Variants in DNAJC7 observed in about 807,000 individuals in gnomAD.
DNAJC7 encodes dnaJ homolog subfamily C member 7.
In DNAJC7, 18 loss-of-function variants were observed where a neutral mutation model predicts 67.4. That is an observed-to-expected ratio of 0.27 (90% CI 0.18 to 0.40). DNAJC7 has a LOEUF of 0.40. DNAJC7 is among the 10% of genes least tolerant of loss of function. The pLI, the probability that DNAJC7 is intolerant of heterozygous loss-of-function variation, is 1.00. For missense variants in DNAJC7, 419 were observed against 613.8 expected, an observed-to-expected ratio of 0.68 and a Z score of 3.35; for synonymous variants, 220 against 207.8, an observed-to-expected ratio of 1.06 and a Z score of -0.50.
chr17:42,012,948 C>A (rs11654930), intron 1 of DNAJC7: 111,664 of 151,942 alleles, frequency 0.73, 43,007 homozygotes, highest in East Asian at 0.86. Context: ...AGGTATGCAC[C>A]ATCACACCCT....
intron 1 of DNAJC7, chr17:42,015,020 C>T (rs2052227068): frequency 6.6e-6 from 1 of 152,038 alleles, no homozygotes; most frequent in African/African-American, 2.4e-5. Flanking sequence ...CACTTTGTCA[C>T]CCAGGCTGGA....
chr17:41,996,617 C>T lies in DNAJC7; in HGVS notation c.292-193G>A, dbSNP rs141213371. Among the ~76,000 whole-genome samples the T allele has an allele frequency of 3.0e-4, 45 of 152,192 alleles. No individual in the cohort carries two copies. In the East Asian group the frequency reaches 6.6e-3, roughly 22 times the overall value. Reference sequence around the variant, plus strand: ...GGTCAGGAGTTTGAGACTAGCCTGGCCAACATGACAAAACTCCGTCTCTTA... The same window carrying T: ...GGTCAGGAGTTTGAGACTAGCCTGGTCAACATGACAAAACTCCGTCTCTTA... On this transcript the variant is annotated intron_variant, in intron 3 of 13. Coordinates refer to ENST00000457167, the MANE Select transcript of DNAJC7 (RefSeq NM_003315.4).
In DNAJC7 at chr17:41,976,468, TTTTC is replaced by T; in HGVS notation, c.*261_*264del. 2.2e-6 allele frequency: 1 copy of T among 451,690 alleles called. No individual in the cohort carries two copies. Among genetic ancestry groups the T allele is most frequent in the Non-Finnish European group, 3.9e-6 (1 of 259,166 alleles). The allele number at this position is 451,690 out of a possible 1,614,324, so 28.0% of individuals were successfully genotyped here. A position where few individuals can be genotyped will look rare whatever the true frequency, so the allele number is the denominator to read the frequency against. On this transcript the variant is annotated 3_prime_UTR_variant, in exon 14 of 14. Coordinates refer to ENST00000457167, the MANE Select transcript of DNAJC7 (RefSeq NM_003315.4). ...GTCAAAACATTTTATTCTCTTTTTTTTTTCTTTTTTAATAAAGTTAAACAGTAAA... is the reference window on the plus strand; with the variant it reads ...GTCAAAACATTTTATTCTCTTTTTTTTTTTTTAATAAAGTTAAACAGTAAA...
chr17:42,012,171 CG>C (rs1567971988), intron 1 of DNAJC7, among the ~76,000 whole-genome samples: 1 of 152,192 alleles, frequency 6.6e-6, no homozygotes, highest in Non-Finnish European at 1.5e-5. Flanking sequence ...TGCTGAGACA[CG>C]TAAGTGTTTT....
intron 12 of DNAJC7, among the ~76,000 whole-genome samples, chr17:41,978,252 C>T (rs2051143235): frequency 6.6e-6 from 1 of 152,176 alleles, no homozygotes; most frequent in African/African-American, 2.4e-5. Flanking sequence ...AGGACTGACC[C>T]CCACCAGGTG....
intron 8 of DNAJC7, 127 bp downstream of exon 8, chr17:41,988,605 C>T: frequency 8.4e-7 from 1 of 1,195,068 alleles, no homozygotes; most frequent in Non-Finnish European, 1.1e-6. Context: ...GAGTTCCTAA[C>T]AAACTATTAA....
intron 5 of DNAJC7, among the ~76,000 whole-genome samples, chr17:41,994,640 C>T (rs1414730095): frequency 6.6e-6 from 1 of 150,782 alleles, no homozygotes; most frequent in Non-Finnish European, 1.5e-5. Flanking sequence ...TAGAAACAAA[C>T]TCAAGTGGCA....
chr17:41,981,362 A>G (rs2051246072), intron 12 of DNAJC7, among the ~76,000 whole-genome samples: 3 of 151,798 alleles, frequency 2.0e-5, no homozygotes, highest in Non-Finnish European at 4.4e-5. Flanking sequence ...ACACCTGGCT[A>G]ATTTCTGTAT....
At position 42,007,475 on chromosome 17, in the gene DNAJC7, C is replaced by T. The variant is rs550735697; in HGVS notation, c.78-6905G>A. Among the ~76,000 whole-genome samples, 5 of 152,284 alleles carry T rather than the reference C, an allele frequency of 3.3e-5. No homozygotes were observed. The South Asian group carries it at 1.0e-3, about 32-fold the overall frequency. On this transcript the variant is annotated intron_variant, in intron 1 of 13. Coordinates refer to ENST00000457167, the MANE Select transcript of DNAJC7 (RefSeq NM_003315.4). The stretch of plus-strand genomic sequence containing the variant: ...AAGTAAAAGGAGCCCAGGAGCCTAA[C>T]TTCTATTCCATCTTACCAAAAGCAT...
rs782185584 is a variant in DNAJC7 at position 41,996,367 on chromosome 17, G to A, written c.349C>T (p.Arg117Cys). The A allele has an allele frequency of 2.5e-6, 4 of 1,613,964 alleles. No individual in the cohort carries two copies. Among genetic ancestry groups the A allele is most frequent in the East Asian group, 4.5e-5 (2 of 44,884 alleles). The change falls in exon 4 of 14, where the codon CGC (arginine) becomes TGC (cysteine). Residue 117 changes from arginine (R) to cysteine (C), a missense_variant. Physicochemically the swap from Arg to Cys is radical, Grantham distance 180. Coordinates refer to ENST00000457167, the MANE Select transcript of DNAJC7 (RefSeq NM_003315.4). ...LSLGNAMAAC[R>C]SFQRALELDH... Reference sequence around the variant, plus strand: ...AGTTCTAGGGCTCTCTGGAAGCTGCGACATGCTGCCATGGCATTCCCCAGA... The same window carrying A: ...AGTTCTAGGGCTCTCTGGAAGCTGCAACATGCTGCCATGGCATTCCCCAGA...
intron 5 of DNAJC7, chr17:41,992,836 G>A (rs1459004770): frequency 6.6e-6 from 1 of 152,156 alleles, no homozygotes; most frequent in South Asian, 2.1e-4. Context: ...GTCACAAACA[G>A]AGGATTCTGT....
intron 12 of DNAJC7, among the ~76,000 whole-genome samples, chr17:41,980,752 A>G (rs2051228043): frequency 6.6e-6 from 1 of 152,206 alleles, no homozygotes; most frequent in South Asian, 2.1e-4. Flanking sequence ...AATATTGACA[A>G]TAGGTGTGCT....
At chr17:41,995,811 CTTT>C (rs2051641077) in intron 4 of DNAJC7, among the ~76,000 whole-genome samples, 1 of 152,130 alleles carries the variant, frequency 6.6e-6, no homozygotes, top group African/African-American at 2.4e-5. Context: ...TACTCAAATT[CTTT>C]TTTATTTTTT....
At chr17:41,995,134 C>A (rs191534071) in intron 4 of DNAJC7, among the ~76,000 whole-genome samples, 190 bp from the exon 5 acceptor site, 271 of 152,310 alleles carry the variant, frequency 1.8e-3, no homozygotes, top group African/African-American at 6.2e-3. Flanking sequence ...CTAGGGCTCT[C>A]TGGCAACTGC....
chr17:41,999,003 T>C (rs2051734305), intron 2 of DNAJC7, among the ~76,000 whole-genome samples: 1 of 151,680 alleles, frequency 6.6e-6, no homozygotes, highest in Non-Finnish European at 1.5e-5. Flanking sequence ...CGGGGCAACA[T>C]GGTAAGACCC....
At chr17:41,991,135 T>C (rs1306561205) in intron 5 of DNAJC7, among the ~76,000 whole-genome samples, 1 of 152,236 alleles carries the variant, frequency 6.6e-6, no homozygotes, top group Non-Finnish European at 1.5e-5. Context: ...CTCTTTTTAC[T>C]AGTTTGTCCT....
At chr17:41,977,055 C>A in intron 13 of DNAJC7, 1 of 652,326 alleles carries the variant, frequency 1.5e-6, no homozygotes, top group Non-Finnish European at 2.6e-6. Flanking sequence ...TGCAGAGATG[C>A]GGTGGCTAAA....
chr17:42,010,348 C>T (rs1420365103), intron 1 of DNAJC7, among the ~76,000 whole-genome samples: 2 of 151,528 alleles, frequency 1.3e-5, no homozygotes, highest in African/African-American at 2.4e-5. Context: ...CAAAATTAGC[C>T]GGGCGTGGTG....
chr17:42,006,360 A>C (rs1240457322), intron 1 of DNAJC7, among the ~76,000 whole-genome samples: 1 of 150,578 alleles, frequency 6.6e-6, no homozygotes, highest in African/African-American at 2.4e-5. Context: ...TTATTTATTT[A>C]TTTATTTAAT....
Sources: allele counts gnomAD v4.1 joint callset (sites outside exome capture counted in the v4.1 genomes callset), GRCh38; gene constraint gnomAD v4.1.1; transcripts MANE v1.5; gene names NCBI Gene and HGNC (gene_info 2026-07-23, HGNC 2026-07-21).